Variants in ASB3 observed in about 807,000 individuals in gnomAD.
ASB3 encodes ankyrin repeat and SOCS box containing 3.
Under a neutral mutation model 54.5 loss-of-function variants are expected in ASB3, and 41 were observed. That is an observed-to-expected ratio of 0.75 (90% confidence interval 0.59 to 0.98). The LOEUF (loss-of-function observed/expected upper bound fraction) is 0.98, where lower values mean the gene tolerates loss of function less well. Ranked by LOEUF, ASB3 falls within the 50% of genes least tolerant of loss-of-function variation. The pLI, the probability that ASB3 is intolerant of heterozygous loss-of-function variation, is 0.00. For missense variants in ASB3, 733 were observed against 620.0 expected, an observed-to-expected ratio of 1.18 and a Z score of -1.94; for synonymous variants, 266 against 221.2, an observed-to-expected ratio of 1.20 and a Z score of -1.80.
At chr2:53,724,908 A>G (rs1248488849) in intron 5 of ASB3, among the ~76,000 whole-genome samples, 4 of 152,224 alleles carry the variant, frequency 2.6e-5, no homozygotes, top group African/African-American at 9.6e-5. Context: ...CTACCATTCA[A>G]CCCAGCAATT....
At chr2:53,674,596 A>G (rs1404264580) in intron 9 of ASB3, among the ~76,000 whole-genome samples, 1 of 152,172 alleles carries the variant, frequency 6.6e-6, no homozygotes, top group East Asian at 1.9e-4. Context: ...TTCTACATTC[A>G]TCTTTAGCCT....
At chr2:53,702,109 G>A (rs929120283) in intron 7 of ASB3, among the ~76,000 whole-genome samples, 6 of 152,090 alleles carry the variant, frequency 3.9e-5, no homozygotes, top group Non-Finnish European at 8.8e-5. Flanking sequence ...ACACACTTTA[G>A]AAAATCAGCT....
At chr2:53,771,930 T>A in intron 1 of ASB3, 1 of 1,563,610 alleles carries the variant, frequency 6.4e-7, no homozygotes, top group Non-Finnish European at 8.7e-7. Context: ...TGACTCTTGT[T>A]GAAGATCCTG....
chr2:53,736,437 G>A (rs1010888963), intron 3 of ASB3, among the ~76,000 whole-genome samples: 14 of 152,168 alleles, frequency 9.2e-5, no homozygotes, highest in African/African-American at 1.7e-4. Context: ...GGTGGCTCAC[G>A]CCTGTAATCC....
intron 1 of ASB3, among the ~76,000 whole-genome samples, chr2:53,783,218 G>A (rs978122977): frequency 6.6e-6 from 1 of 152,094 alleles, no homozygotes; most frequent in Non-Finnish European, 1.5e-5. Context: ...TTCATGTCAT[G>A]AGAACAATGC....
rs1214673712 is a variant in ASB3, at chr2:53,766,379, T to C, written c.-13-794A>G. Among the ~76,000 whole-genome samples the C allele has an allele frequency of 2.6e-5, 4 of 152,244 alleles. No individual in the cohort carries two copies. The East Asian group carries it at 7.7e-4, about 29-fold the overall frequency. ...ACACAATTTCTTGTTAGTGACTCTA[T>C]GAAGCAGTTTGGATATGGAATACTT... On this transcript the variant is annotated intron_variant, in intron 1 of 9. Coordinates refer to ENST00000263634, the MANE Select transcript of ASB3 (RefSeq NM_016115.5).
chr2:53,708,458 G>T (rs755184346), intron 7 of ASB3, among the ~76,000 whole-genome samples: 5 of 152,144 alleles, frequency 3.3e-5, no homozygotes, highest in Non-Finnish European at 5.9e-5. Context: ...ATGCAAGAAC[G>T]AACTAATACA....
intron 3 of ASB3, among the ~76,000 whole-genome samples, chr2:53,737,025 CTTT>C (rs1030293452): frequency 1.3e-5 from 2 of 152,258 alleles, no homozygotes; most frequent in Admixed American, 6.5e-5. Context: ...ATTGATTTCT[CTTT>C]TTAAGATTCC....
chr2:53,687,863 T>G (rs145069235), intron 9 of ASB3, among the ~76,000 whole-genome samples: 3 of 152,348 alleles, frequency 2.0e-5, no homozygotes, highest in African/African-American at 7.2e-5. Context: ...TCATCCAGGC[T>G]GGAGTACAAT....
intron 7 of ASB3, among the ~76,000 whole-genome samples, chr2:53,702,379 G>C (rs1228127737): frequency 6.6e-6 from 1 of 152,100 alleles, no homozygotes; most frequent in Non-Finnish European, 1.5e-5. Context: ...TTCAACTTCA[G>C]GGCTCTATAT....
chr2:53,718,229 C>T (rs940021441), intron 5 of ASB3, among the ~76,000 whole-genome samples: 2 of 152,100 alleles, frequency 1.3e-5, no homozygotes, highest in African/African-American at 4.8e-5. Flanking sequence ...CATACAGTCA[C>T]CAGACTGTTG....
intron 9 of ASB3, among the ~76,000 whole-genome samples, chr2:53,685,888 C>T (rs1668606286): frequency 1.3e-5 from 2 of 152,144 alleles, no homozygotes; most frequent in Non-Finnish European, 2.9e-5. Context: ...CTTAAAATTC[C>T]ACAATCTCCA....
At chr2:53,768,397 G>T (rs1345270113) in intron 1 of ASB3, among the ~76,000 whole-genome samples, 2 of 152,240 alleles carry the variant, frequency 1.3e-5, no homozygotes, top group Admixed American at 6.5e-5. Flanking sequence ...AGTTGAAATA[G>T]TAAATCAAGT....
chr2:53,698,300 T>C (rs906822869), intron 8 of ASB3, among the ~76,000 whole-genome samples: 2 of 152,182 alleles, frequency 1.3e-5, no homozygotes, highest in Non-Finnish European at 2.9e-5. Context: ...TTTTTCTAAT[T>C]GTCTTGATGA....
Position 53,768,549 on chromosome 2 carries a change from T to G in ASB3, c.-13-2964A>C, listed in dbSNP as rs556137247. ...AGTTTTATTTTCTGACACACAGGAT[T>G]GCAGAATGAGTTTCCAAAATTTTCG... On this transcript the variant is annotated intron_variant, in intron 1 of 9. Transcript: ENST00000263634. Among the ~76,000 whole-genome samples the G allele has an allele frequency of 3.3e-5, 5 of 152,354 alleles. No homozygotes were observed. The South Asian group carries it at 1.0e-3, about 32-fold the overall frequency.
intron 7 of ASB3, among the ~76,000 whole-genome samples, chr2:53,708,844 G>A (rs911442829): frequency 2.0e-5 from 3 of 152,190 alleles, no homozygotes; most frequent in African/African-American, 7.2e-5. Context: ...CTTCTAAGCA[G>A]CAAAGCAGCC....
In ASB3 at chr2:53,786,838, C is replaced by G; in HGVS notation, c.-31G>C. ...TCACCGACCTGCCGTGCTGCCACTT[C>G]TACACCGAAATGGCTGGTCCGAGGC... is the stretch of plus-strand genomic sequence containing the variant. On this transcript the variant is annotated 5_prime_UTR_variant, in exon 1 of 10. Coordinates refer to ENST00000263634, the MANE Select transcript of ASB3 (RefSeq NM_016115.5). 1 of 215,886 alleles carries G rather than the reference C, an allele frequency of 4.6e-6. No individual in the cohort carries two copies. 13.4% of individuals were successfully genotyped at this position (215,886 alleles called of 1,614,324 possible).
intron 3 of ASB3, among the ~76,000 whole-genome samples, chr2:53,745,025 G>A (rs1445005169): frequency 3.9e-5 from 6 of 152,176 alleles, no homozygotes; most frequent in Non-Finnish European, 8.8e-5. Context: ...AGTGTCCTAT[G>A]AAATCACACT....
intron 9 of ASB3, among the ~76,000 whole-genome samples, chr2:53,672,271 A>T (rs1248831154): frequency 6.6e-6 from 1 of 152,224 alleles, no homozygotes; most frequent in African/African-American, 2.4e-5. Flanking sequence ...ATTATAAATA[A>T]TAAGATTACA....
Sources: allele counts gnomAD v4.1 joint callset (sites outside exome capture counted in the v4.1 genomes callset), GRCh38; gene constraint gnomAD v4.1.1; transcripts MANE v1.5; gene names NCBI Gene and HGNC (gene_info 2026-07-23, HGNC 2026-07-21).